The following RASGRF2 variants were observed in gnomAD, a reference collection of about 807,000 sequenced individuals.
The protein encoded by RASGRF2 is Ras protein specific guanine nucleotide releasing factor 2.
A neutral mutation model predicts 151.0 loss-of-function variants in RASGRF2; 76 were observed. That is an observed-to-expected ratio of 0.50 (90% confidence interval 0.42 to 0.61). The LOEUF (loss-of-function observed/expected upper bound fraction) is 0.61, where lower values mean the gene tolerates loss of function less well. Among genes scored for constraint, RASGRF2 ranks in the 20% least tolerant of loss-of-function variants. RASGRF2 has a pLI of 0.00. For missense variants in RASGRF2, 1,148 were observed against 1,564.6 expected (o/e 0.73, Z 4.49); for synonymous variants, 504 against 566.5 (o/e 0.89, Z 1.57).
intron 1 of RASGRF2, among the ~76,000 whole-genome samples, chr5:80,986,156 T>A (rs958891534): frequency 7.2e-5 from 11 of 152,226 alleles, no homozygotes; most frequent in African/African-American, 2.4e-4. Context: ...ATAGTCTATA[T>A]CTGAAATTAT....
intron 1 of RASGRF2, among the ~76,000 whole-genome samples, chr5:81,018,635 T>TTTA (rs1749718881): frequency 6.6e-6 from 1 of 152,024 alleles, no homozygotes; most frequent in Non-Finnish European, 1.5e-5. Context: ...ATGTTTAAAA[T>TTTA]GCATTTCATT....
intron 1 of RASGRF2, among the ~76,000 whole-genome samples, chr5:80,973,111 T>C (rs754595868): frequency 1.3e-5 from 2 of 152,176 alleles, no homozygotes; most frequent in Non-Finnish European, 2.9e-5. Context: ...TGAATGGAGA[T>C]GAGGACAACA....
chr5:81,127,652 A>T (rs1405426946), intron 17 of RASGRF2, among the ~76,000 whole-genome samples: 4 of 152,162 alleles, frequency 2.6e-5, no homozygotes, highest in Non-Finnish European at 5.9e-5. Flanking sequence ...GGCCAGGCAC[A>T]GTGGCTCACA....
chr5:80,993,424 C>G (rs1748718642), intron 1 of RASGRF2, among the ~76,000 whole-genome samples: 1 of 152,116 alleles, frequency 6.6e-6, no homozygotes, highest in Admixed American at 6.5e-5. Flanking sequence ...TAGAGTAAAT[C>G]CAGTGGTTTC....
intron 1 of RASGRF2, among the ~76,000 whole-genome samples, chr5:80,979,222 A>G (rs926268147): frequency 6.6e-6 from 1 of 152,342 alleles, no homozygotes; most frequent in African/African-American, 2.4e-5. Flanking sequence ...ATTTCAAGGT[A>G]GCTTTGTAAC....
At chr5:80,973,810 C>T (rs1748019433) in intron 1 of RASGRF2, among the ~76,000 whole-genome samples, 2 of 152,046 alleles carry the variant, frequency 1.3e-5, no homozygotes, top group Admixed American at 6.6e-5. Flanking sequence ...AGTGTATGGA[C>T]CAGGAGGAGA....
At position 81,227,374 on chromosome 5, in the gene RASGRF2, TATA is replaced by T. The variant is rs1166688141; in HGVS notation, c.*1608_*1610del. On this transcript the variant is annotated 3_prime_UTR_variant, in exon 27 of 27. Transcript: ENST00000265080. ...GAAATATCAACTAAGTAAAAGAAAA[TATA>T]ATATTTGAAGACCATTCCCAAAATA... The T allele has an allele frequency of 6.6e-6, 1 of 152,186 alleles. No individual in the cohort carries two copies. The highest frequency in any genetic ancestry group is 1.5e-5 in the Non-Finnish European group (1 of 68,040). The allele number at this position is 152,186 out of a possible 1,614,324, so 9.4% of individuals were successfully genotyped here.
chr5:81,119,293 A>G (rs569646511), intron 15 of RASGRF2, among the ~76,000 whole-genome samples: 1 of 152,360 alleles, frequency 6.6e-6, no homozygotes, highest in African/African-American at 2.4e-5. Flanking sequence ...TATCTCTCAC[A>G]GTTCTAGAGG....
At chr5:81,094,450 A>C in intron 11 of RASGRF2, 88 bp downstream of exon 11, 1 of 1,285,374 alleles carries the variant, frequency 7.8e-7, no homozygotes, top group South Asian at 1.3e-5. Flanking sequence ...TCATTTATGT[A>C]TGAAAAATTG....
At chr5:81,176,307 T>G (rs1754773157) in intron 17 of RASGRF2, among the ~76,000 whole-genome samples, 1 of 152,202 alleles carries the variant, frequency 6.6e-6, no homozygotes, top group East Asian at 1.9e-4. Flanking sequence ...TCTCCTAAAA[T>G]CATAGATCCA....
chr5:81,003,490 T>C (rs1749161582), intron 1 of RASGRF2, among the ~76,000 whole-genome samples: 1 of 152,172 alleles, frequency 6.6e-6, no homozygotes, highest in South Asian at 2.1e-4. Context: ...CCCAAAGTGC[T>C]GGGATTACAG....
At chr5:81,082,366 C>G (rs1476007361) in intron 7 of RASGRF2, among the ~76,000 whole-genome samples, 3 of 152,124 alleles carry the variant, frequency 2.0e-5, no homozygotes, top group Non-Finnish European at 2.9e-5. Flanking sequence ...CTTCCTCTCC[C>G]GAAGACTATG....
intron 18 of RASGRF2, among the ~76,000 whole-genome samples, chr5:81,192,385 T>C (rs972147591): frequency 2.6e-5 from 4 of 152,258 alleles, no homozygotes; most frequent in African/African-American, 9.6e-5. Flanking sequence ...CCCTTCCTTA[T>C]GTTTTTCTAT....
At chr5:80,991,197 C>T (rs984504398) in intron 1 of RASGRF2, among the ~76,000 whole-genome samples, 4 of 152,116 alleles carry the variant, frequency 2.6e-5, no homozygotes, top group African/African-American at 7.2e-5. Context: ...AATCCCAGCA[C>T]TTTGTAATGC....
intron 1 of RASGRF2, among the ~76,000 whole-genome samples, chr5:81,014,777 T>A (rs1032993316): frequency 8.5e-5 from 13 of 152,228 alleles, no homozygotes; most frequent in South Asian, 4.1e-4. Flanking sequence ...GTATAAATAT[T>A]CCACAGTTTA....
At chr5:81,116,606 A>G (rs2112553053) in intron 15 of RASGRF2, among the ~76,000 whole-genome samples, 1 of 152,258 alleles carries the variant, frequency 6.6e-6, no homozygotes, top group African/African-American at 2.4e-5. Flanking sequence ...GTATAGCTCA[A>G]TAGTATTGTT....
intron 17 of RASGRF2, among the ~76,000 whole-genome samples, chr5:81,134,184 A>G (rs1753698468): frequency 6.6e-6 from 1 of 151,690 alleles, no homozygotes; most frequent in South Asian, 2.1e-4. Context: ...TTAGATTTGG[A>G]TGTAGATGGA....
At chr5:81,076,093 A>G (rs1417356366) in intron 5 of RASGRF2, among the ~76,000 whole-genome samples, 1 of 152,238 alleles carries the variant, frequency 6.6e-6, no homozygotes, top group Non-Finnish European at 1.5e-5. Context: ...AGAATTGACC[A>G]TGGGTTTAAC....
At chr5:81,024,599 A>C (rs1749950685) in intron 1 of RASGRF2, among the ~76,000 whole-genome samples, 1 of 152,166 alleles carries the variant, frequency 6.6e-6, no homozygotes. Context: ...CTTCATTTGA[A>C]GAAAATGACT....
Sources: allele counts gnomAD v4.1 joint callset (sites outside exome capture counted in the v4.1 genomes callset), GRCh38; gene constraint gnomAD v4.1.1; transcripts MANE v1.5; gene names NCBI Gene and HGNC (gene_info 2026-07-23, HGNC 2026-07-21).